The following ASCC3 variants were observed in gnomAD, a reference collection of about 807,000 sequenced individuals.
ASCC3 encodes activating signal cointegrator 1 complex subunit 3, also known as ASC-1 complex subunit P200.
A neutral mutation model predicts 256.3 loss-of-function variants in ASCC3; 158 were observed. That is an observed-to-expected ratio of 0.62 (90% CI 0.54 to 0.70). ASCC3 has a LOEUF of 0.70. ASCC3 is among the 30% of genes least tolerant of loss of function. The probability of loss-of-function intolerance (pLI) is 0.00; values close to 1 mark genes in which losing one functional copy is unlikely to be tolerated. For missense variants in ASCC3, 2,259 were observed against 2,626.0 expected (o/e 0.86, Z 3.05); for synonymous variants, 948 against 883.4 (o/e 1.07, Z -1.30).
At chr6:100,553,783 C>G (rs992911411) in intron 36 of ASCC3, among the ~76,000 whole-genome samples, 1 of 152,066 alleles carries the variant, frequency 6.6e-6, no homozygotes, top group Non-Finnish European at 1.5e-5. Flanking sequence ...TTTTGTTTCC[C>G]TTTTCATTAC....
chr6:100,816,548 A>G (rs1770756490), intron 4 of ASCC3, among the ~76,000 whole-genome samples: 2 of 152,214 alleles, frequency 1.3e-5, no homozygotes, highest in Non-Finnish European at 2.9e-5. Flanking sequence ...AAAATGTGGT[A>G]CATATACATT....
At chr6:100,693,182 T>C (rs1777919036) in intron 13 of ASCC3, among the ~76,000 whole-genome samples, 1 of 152,104 alleles carries the variant, frequency 6.6e-6, no homozygotes, top group Admixed American at 6.6e-5. Context: ...TAACTGTTAT[T>C]TATGTTGAAA....
At chr6:100,631,355 A>C (rs1183186608) in intron 25 of ASCC3, 142 bp from the exon 26 acceptor site, 5 of 652,770 alleles carry the variant, frequency 7.7e-6, no homozygotes, top group Middle Eastern at 4.2e-4. Flanking sequence ...TCAAATTTTT[A>C]AATCAACGGG....
intron 36 of ASCC3, among the ~76,000 whole-genome samples, chr6:100,589,328 G>A (rs1007329184): frequency 6.6e-6 from 1 of 152,074 alleles, no homozygotes; most frequent in African/African-American, 2.4e-5. Context: ...AATTCAAAGA[G>A]GCTATTATAT....
At chr6:100,880,313 A>G (rs1396995113) in intron 1 of ASCC3, among the ~76,000 whole-genome samples, 2 of 152,220 alleles carry the variant, frequency 1.3e-5, no homozygotes, top group East Asian at 1.9e-4. Flanking sequence ...TCTATGAAAC[A>G]TAAAATCTGG....
chr6:100,592,998 C>T (rs1772084247), intron 34 of ASCC3, among the ~76,000 whole-genome samples: 1 of 152,064 alleles, frequency 6.6e-6, no homozygotes, highest in Non-Finnish European at 1.5e-5. Flanking sequence ...TCATTTATTT[C>T]ACAGAGAAAC....
At chr6:100,856,665 C>T (rs2114525762) in intron 3 of ASCC3, 1 of 153,580 alleles carries the variant, frequency 6.5e-6, no homozygotes, top group Non-Finnish European at 1.4e-5. Flanking sequence ...CAGCCACTAT[C>T]CTGACTTCTA....
chr6:100,780,776 T>C (rs1256378235), intron 8 of ASCC3, among the ~76,000 whole-genome samples: 3 of 152,182 alleles, frequency 2.0e-5, no homozygotes, highest in Admixed American at 6.5e-5. Flanking sequence ...TTTTCCAAAA[T>C]TGACTCAATC....
intron 13 of ASCC3, among the ~76,000 whole-genome samples, chr6:100,685,099 G>T (rs1267195570): frequency 1.3e-5 from 2 of 152,126 alleles, no homozygotes; most frequent in African/African-American, 4.8e-5. Context: ...GAGCCACCAT[G>T]CGCGGCCAAA....
intron 14 of ASCC3, among the ~76,000 whole-genome samples, chr6:100,678,869 A>C (rs1156551968): frequency 6.6e-6 from 1 of 152,212 alleles, no homozygotes; most frequent in Non-Finnish European, 1.5e-5. Flanking sequence ...CAAAACTTTA[A>C]TTACAAAACA....
At chr6:100,694,055 G>A (rs990605789) in intron 13 of ASCC3, among the ~76,000 whole-genome samples, 2 of 152,014 alleles carry the variant, frequency 1.3e-5, no homozygotes, top group Non-Finnish European at 2.9e-5. Context: ...CCAGTGGAAA[G>A]GGACTGTGGA....
At chr6:100,693,895 G>A (rs1010992422) in intron 13 of ASCC3, among the ~76,000 whole-genome samples, 2 of 151,946 alleles carry the variant, frequency 1.3e-5, no homozygotes, top group Non-Finnish European at 2.9e-5. Context: ...AGATTAAAGC[G>A]ACTGAAGTGG....
At chr6:100,822,709 C>T (rs183418757) in intron 4 of ASCC3, among the ~76,000 whole-genome samples, 3 of 152,156 alleles carry the variant, frequency 2.0e-5, no homozygotes, top group Non-Finnish European at 2.9e-5. Context: ...GTTACTTTCT[C>T]CCACCTGACT....
At chr6:100,705,207 T>C (rs1164368333) in intron 13 of ASCC3, among the ~76,000 whole-genome samples, 1 of 152,084 alleles carries the variant, frequency 6.6e-6, no homozygotes, top group Non-Finnish European at 1.5e-5. Flanking sequence ...CCATCTGTCA[T>C]CACACATGCC....
At chr6:100,867,769 C>T in intron 2 of ASCC3, 139 bp downstream of exon 2, 2 of 721,892 alleles carry the variant, frequency 2.8e-6, no homozygotes, top group Non-Finnish European at 4.8e-6. Context: ...GCAGCATACA[C>T]ATTCTCCATC....
At chr6:100,746,984 G>C (rs1780708800) in intron 10 of ASCC3, among the ~76,000 whole-genome samples, 1 of 152,074 alleles carries the variant, frequency 6.6e-6, no homozygotes, top group Non-Finnish European at 1.5e-5. Flanking sequence ...CTACTAGTTG[G>C]AAGGAAATGC....
intron 8 of ASCC3, among the ~76,000 whole-genome samples, chr6:100,774,665 C>T (rs1317531723): frequency 1.3e-5 from 2 of 151,994 alleles, no homozygotes; most frequent in Admixed American, 1.3e-4. Context: ...GCACCCGGCC[C>T]TAACTTTCTT....
chr6:100,586,186 G>A (rs367932150), intron 36 of ASCC3, among the ~76,000 whole-genome samples: 1 of 152,216 alleles, frequency 6.6e-6, no homozygotes, highest in African/African-American at 2.4e-5. Context: ...GTCCCCAGAG[G>A]TGGGGCCTAC....
At chr6:100,648,643 T>C (rs1035101592) in intron 20 of ASCC3, among the ~76,000 whole-genome samples, 1 of 151,988 alleles carries the variant, frequency 6.6e-6, no homozygotes, top group African/African-American at 2.4e-5. Context: ...TGGGTCTTTA[T>C]AAGGCCCAGA....
Sources: allele counts gnomAD v4.1 joint callset (sites outside exome capture counted in the v4.1 genomes callset), GRCh38; gene constraint gnomAD v4.1.1; transcripts MANE v1.5; gene names NCBI Gene and HGNC (gene_info 2026-07-23, HGNC 2026-07-21).